Variants in KNDC1 observed in about 807,000 individuals in gnomAD.
KNDC1 encodes the protein kinase non-catalytic C-lobe domain containing 1, also known as kinase non-catalytic C-lobe domain-containing protein 1.
In KNDC1, 106 loss-of-function variants were observed where a neutral mutation model predicts 172.8. The ratio of observed to expected loss-of-function variants is 0.61; its 90% CI spans 0.52 to 0.72. The LOEUF is 0.72. Ranked by LOEUF, KNDC1 falls within the 30% of genes least tolerant of loss-of-function variation. The probability of loss-of-function intolerance (pLI) is 0.00; values close to 1 mark genes in which losing one functional copy is unlikely to be tolerated. For synonymous variants in KNDC1, 1,083 were observed against 1,062.2 expected, an observed-to-expected ratio of 1.02 and a Z score of -0.38; for missense variants, 2,325 against 2,394.5, an observed-to-expected ratio of 0.97 and a Z score of 0.61.
chr10:133,200,381 C>T lies in KNDC1; in HGVS notation c.2910C>T (p.Ala970=), dbSNP rs760086891. The change falls in exon 16 of 30, where the codon GCC becomes GCT. Residue 970 remains alanine, a synonymous_variant. Coordinates refer to ENST00000304613, the MANE Select transcript of KNDC1 (RefSeq NM_152643.8). ...NGQASPSPST[A]EEAGSQLEGS... ...CCTGCATTCTCGTCGTCAGCACGGCCGAGGAGGCTGGGTCACAGCTCGAGG... is the reference window on the plus strand; with the variant it reads ...CCTGCATTCTCGTCGTCAGCACGGCTGAGGAGGCTGGGTCACAGCTCGAGG... 1.6e-5 allele frequency: 25 copies of T among 1,591,104 alleles called. No individual in the cohort carries two copies. The highest frequency in any genetic ancestry group is 1.0e-4 in the South Asian group (9 of 88,170).
chr10:133,172,451 T>G lies in KNDC1; in HGVS notation c.360+4139T>G, dbSNP rs112954049. Among the ~76,000 whole-genome samples the G allele has an allele frequency of 4.8e-4, 73 of 152,244 alleles. 2 individuals carry two copies. Among genetic ancestry groups the G allele is most frequent in the Non-Finnish European group, 8.8e-4 (60 of 68,048 alleles). ...GTGTCTTGCCTTTTGTATACACTGT[T>G]TAATTGGATTTACTAACGCTTGCTT... On this transcript the variant is annotated intron_variant, in intron 3 of 29. Transcript: ENST00000304613.
chr10:133,197,093 C>G lies in KNDC1; in HGVS notation c.1770C>G (p.Asp590Glu). Residue 590 changes from aspartate (D) to glutamate (E), a missense_variant, in exon 11 of 30, where the codon GAC (aspartate) becomes GAG (glutamate). By Grantham distance (45) the Asp-to-Glu change is conservative (BLOSUM62 2). Transcript: ENST00000304613. ...GCTACCTCCTCCAGCGAGGCATGGA[C>G]AGCCGGAAAATCCTTGCCCACCTCA... ...CGSYLLQRGMDSRKILAHLRA... is the reference protein window; with the variant it reads ...CGSYLLQRGMESRKILAHLRA... 6.2e-7 allele frequency: 1 copy of G among 1,613,280 alleles called. No individual in the cohort carries two copies. The highest frequency in any genetic ancestry group is 8.5e-7 in the Non-Finnish European group (1 of 1,179,896).
At chr10:133,197,235 C>T in intron 11 of KNDC1, 100 bp downstream of exon 11, 1 of 909,510 alleles carries the variant, frequency 1.1e-6, no homozygotes, top group Non-Finnish European at 1.7e-6. Context: ...CAGCCCCACA[C>T]CCCGGTCTCT....
chr10:133,162,621 T>C lies in KNDC1; in HGVS notation c.102+2052T>C, dbSNP rs192893016. 4.2e-3 allele frequency among the ~76,000 whole-genome samples: 641 copies of C among 152,350 alleles called. 7 individuals carry two copies. The highest frequency in any genetic ancestry group is 0.015 in the African/African-American group (618 of 41,584). ...GAACATGTGAAAAGATGTTTGCTCA[T>C]TGCAATCAGGAAAATGCAAAATACA... On this transcript the variant is annotated intron_variant, in intron 1 of 29. Coordinates refer to ENST00000304613, the MANE Select transcript of KNDC1 (RefSeq NM_152643.8).
intron 1 of KNDC1, 115 bp downstream of exon 1, chr10:133,160,684 T>TGGCC (rs1485278657): frequency 2.1e-5 from 12 of 578,700 alleles, no homozygotes; most frequent in Non-Finnish European, 3.5e-5. Context: ...GCGCCCTCCA[T>TGGCC]GGCCGAGGGG....
At chr10:133,162,316 G>T (rs1315780538) in intron 1 of KNDC1, among the ~76,000 whole-genome samples, 2 of 125,902 alleles carry the variant, frequency 1.6e-5, no homozygotes, top group Non-Finnish European at 3.4e-5. Flanking sequence ...TGACTTGCAT[G>T]GGAAAACCGT....
intron 26 of KNDC1, 87 bp from the exon 27 acceptor site, chr10:133,218,744 G>A: frequency 6.7e-7 from 1 of 1,500,772 alleles, no homozygotes; most frequent in South Asian, 1.2e-5. Flanking sequence ...TTGTGTCTTG[G>A]AGCTGGGTGA....
intron 11 of KNDC1, 130 bp from the exon 12 acceptor site, chr10:133,197,545 C>T (rs1023266081): frequency 3.5e-5 from 26 of 747,154 alleles, no homozygotes; most frequent in African/African-American, 1.7e-4. Context: ...GCCGTGTGGC[C>T]GCCATGCCCG....
rs112484238 is a variant in KNDC1 at position 133,188,484 on chromosome 10, C to T, written c.1327-55C>T. 1,874 of 1,179,292 alleles carry T rather than the reference C, an allele frequency of 1.6e-3. 4 individuals are homozygous for T. Among genetic ancestry groups the T allele is most frequent in the Non-Finnish European group, 1.7e-3 (1,430 of 821,584 alleles). The allele number at this position is 1,179,292 out of a possible 1,614,324, so 73.1% of individuals were successfully genotyped here. A position where few individuals can be genotyped will look rare whatever the true frequency, so the allele number is the denominator to read the frequency against. On this transcript the variant is annotated intron_variant, in intron 6 of 29. Transcript: ENST00000304613. Reference sequence around the variant, plus strand: ...TGTCCCCCGGACATGCCTCTCCAGGCGGCGGGCCCTGGCAAGGGGTGTCCA... The same window carrying T: ...TGTCCCCCGGACATGCCTCTCCAGGTGGCGGGCCCTGGCAAGGGGTGTCCA...
intron 26 of KNDC1, among the ~76,000 whole-genome samples, chr10:133,215,259 T>C (rs1225532727): frequency 6.6e-6 from 1 of 152,184 alleles, no homozygotes; most frequent in African/African-American, 2.4e-5. Flanking sequence ...CTGAAGGCTC[T>C]GGGGGAACCA....
At chr10:133,203,945 A>G (rs1430122294) in intron 17 of KNDC1, among the ~76,000 whole-genome samples, 3 of 152,222 alleles carry the variant, frequency 2.0e-5, no homozygotes, top group Admixed American at 2.0e-4. Flanking sequence ...CACTCCAGCC[A>G]GGCGGGCATC....
At chr10:133,193,916 A>C (rs750728399) in intron 9 of KNDC1, among the ~76,000 whole-genome samples, 25 of 152,256 alleles carry the variant, frequency 1.6e-4, no homozygotes, top group South Asian at 4.1e-4. Context: ...GAGCTGCAGA[A>C]TATGTGAAGC....
Position 133,194,473 on chromosome 10 carries a change from G to A in KNDC1, c.1576-1190G>A, listed in dbSNP as rs552118906. ...GCAAGCTGCTACTGTTGTGGAAACT[G>A]GGTACAAAGTACATGAGCTCTATTA... On this transcript the variant is annotated intron_variant, in intron 9 of 29. Coordinates refer to ENST00000304613, the MANE Select transcript of KNDC1 (RefSeq NM_152643.8). Among the ~76,000 whole-genome samples the A allele has an allele frequency of 3.3e-5, 5 of 152,224 alleles. No homozygotes were observed. In the South Asian group the frequency reaches 1.0e-3, roughly 32 times the overall value.
At chr10:133,178,505 C>G (rs1853623264) in intron 3 of KNDC1, among the ~76,000 whole-genome samples, 1 of 152,282 alleles carries the variant, frequency 6.6e-6, no homozygotes, top group Admixed American at 6.5e-5. Context: ...TAACACGTAA[C>G]CACAGAGCCT....
chr10:133,201,199 G>A lies in KNDC1; in HGVS notation c.2990-302G>A, dbSNP rs557803938. Among the ~76,000 whole-genome samples, 25 of 152,356 alleles carry A rather than the reference G, an allele frequency of 1.6e-4. No homozygotes were observed. The South Asian group carries it at 5.2e-3, about 32-fold the overall frequency. ...GGACACAGTCCTGATAGCAGAGCCA[G>A]CGAGGACAGGGCCCGGCCCCACCCC... On this transcript the variant is annotated intron_variant, in intron 16 of 29. Transcript: ENST00000304613.
chr10:133,223,641 C>G (rs752848800), intron 29 of KNDC1, among the ~76,000 whole-genome samples: 170 of 21,876 alleles, frequency 7.8e-3, no homozygotes, highest in Admixed American at 0.015. Context: ...CGGCGTGTGT[C>G]TGTGTGTGTG....
At chr10:133,190,441 T>C (rs1291893617) in intron 9 of KNDC1, among the ~76,000 whole-genome samples, 1 of 152,036 alleles carries the variant, frequency 6.6e-6, no homozygotes, top group Non-Finnish European at 1.5e-5. Flanking sequence ...CTGCACACTG[T>C]GCAAAAAACA....
At chr10:133,219,515 G>A (rs1282596347) in intron 28 of KNDC1, among the ~76,000 whole-genome samples, 3 of 152,318 alleles carry the variant, frequency 2.0e-5, no homozygotes, top group Non-Finnish European at 2.9e-5. Context: ...GCCTGTCCCC[G>A]TCTTGGGTCT....
At chr10:133,211,097 C>T (rs948167637) in intron 21 of KNDC1, among the ~76,000 whole-genome samples, 2 of 152,006 alleles carry the variant, frequency 1.3e-5, no homozygotes, top group Non-Finnish European at 2.9e-5. Flanking sequence ...CAGCCTCCCT[C>T]GGTACCCATG....
Sources: allele counts gnomAD v4.1 joint callset (sites outside exome capture counted in the v4.1 genomes callset), GRCh38; gene constraint gnomAD v4.1.1; transcripts MANE v1.5; gene names NCBI Gene and HGNC (gene_info 2026-07-23, HGNC 2026-07-21).